Variants in ASCC3 observed in about 807,000 individuals in gnomAD.
The protein encoded by ASCC3 is activating signal cointegrator 1 complex subunit 3.
In ASCC3, 158 loss-of-function variants were observed where a neutral mutation model predicts 256.3. The ratio of observed to expected loss-of-function variants is 0.62; its 90% CI spans 0.54 to 0.70. ASCC3 has a LOEUF of 0.70. Ranked by LOEUF, ASCC3 falls within the 30% of genes least tolerant of loss-of-function variation. The pLI, the probability that ASCC3 is intolerant of heterozygous loss-of-function variation, is 0.00. For synonymous variants in ASCC3, 948 were observed against 883.4 expected, an observed-to-expected ratio of 1.07 and a Z score of -1.30; for missense variants, 2,259 against 2,626.0, an observed-to-expected ratio of 0.86 and a Z score of 3.05.
At chr6:100,647,017 G>A (rs1171614209) in intron 21 of ASCC3, among the ~76,000 whole-genome samples, 1 of 152,104 alleles carries the variant, frequency 6.6e-6, no homozygotes, top group East Asian at 1.9e-4. Context: ...TAAAATTACT[G>A]AGACTTGATA....
At chr6:100,530,189 A>G (rs1395250474) in intron 37 of ASCC3, 1 of 663,776 alleles carries the variant, frequency 1.5e-6, no homozygotes, top group Admixed American at 2.4e-5. Flanking sequence ...TCATGAATTA[A>G]CATCATTTTT....
chr6:100,665,974 T>C (rs879607981), intron 14 of ASCC3, among the ~76,000 whole-genome samples: 36 of 152,144 alleles, frequency 2.4e-4, no homozygotes, highest in Non-Finnish European at 4.3e-4. Context: ...TCTTTATAGT[T>C]AAACTCTTCG....
At chr6:100,719,594 TAC>T (rs1000533877) in intron 11 of ASCC3, among the ~76,000 whole-genome samples, 20 of 152,186 alleles carry the variant, frequency 1.3e-4, no homozygotes, top group African/African-American at 4.3e-4. Flanking sequence ...ATAATTATAA[TAC>T]AGTTATTTAA....
intron 29 of ASCC3, among the ~76,000 whole-genome samples, chr6:100,625,770 G>A (rs1173911133): frequency 6.6e-6 from 1 of 152,092 alleles, no homozygotes; most frequent in African/African-American, 2.4e-5. Context: ...ATCAAGTCCT[G>A]TCAAGTGACG....
chr6:100,733,558 C>T (rs1030294792), intron 10 of ASCC3, among the ~76,000 whole-genome samples: 5 of 152,160 alleles, frequency 3.3e-5, no homozygotes, highest in Admixed American at 1.3e-4. Context: ...GATGCCCAAT[C>T]TTGAACTTTC....
chr6:100,666,937 G>A (rs983819375), intron 14 of ASCC3, among the ~76,000 whole-genome samples: 3 of 152,078 alleles, frequency 2.0e-5, no homozygotes, highest in South Asian at 4.1e-4. Flanking sequence ...GGAATTCAAA[G>A]AAATTTAAGA....
chr6:100,513,085 T>C, intron 39 of ASCC3, among the ~76,000 whole-genome samples, 167 bp from the exon 40 acceptor site: 1 of 152,242 alleles, frequency 6.6e-6, no homozygotes, highest in East Asian at 1.9e-4. Flanking sequence ...GTGGACCATT[T>C]ACCCAGTTTC....
intron 4 of ASCC3, among the ~76,000 whole-genome samples, chr6:100,816,969 A>G (rs191888224): frequency 1.3e-5 from 2 of 152,132 alleles, no homozygotes; most frequent in African/African-American, 4.8e-5. Context: ...GGATTGAGCA[A>G]CGCTATAAAC....
At chr6:100,734,776 G>T (rs1780070470) in intron 10 of ASCC3, among the ~76,000 whole-genome samples, 2 of 152,080 alleles carry the variant, frequency 1.3e-5, no homozygotes, top group Admixed American at 6.6e-5. Flanking sequence ...TCATAAGCAA[G>T]GTAGTAGCCC....
At chr6:100,580,331 G>C (rs1771150176) in intron 36 of ASCC3, among the ~76,000 whole-genome samples, 1 of 151,832 alleles carries the variant, frequency 6.6e-6, no homozygotes, top group South Asian at 2.1e-4. Context: ...TCTAAAGGAA[G>C]AAAAGGTCCA....
chr6:100,512,571 A>G, intron 40 of ASCC3, 138 bp downstream of exon 40: 1 of 892,926 alleles, frequency 1.1e-6, no homozygotes, highest in East Asian at 2.5e-5. Context: ...TCAAAAGACT[A>G]ACTCTCGCTG....
At chr6:100,674,797 C>T (rs1381975009) in intron 14 of ASCC3, among the ~76,000 whole-genome samples, 1 of 151,794 alleles carries the variant, frequency 6.6e-6, no homozygotes, top group Non-Finnish European at 1.5e-5. Context: ...CCATGCATGG[C>T]TTTTTTTGTA....
intron 14 of ASCC3, among the ~76,000 whole-genome samples, chr6:100,675,410 G>A (rs1452001579): frequency 6.6e-6 from 1 of 152,082 alleles, no homozygotes; most frequent in Middle Eastern, 3.2e-3. Context: ...CGGAAGAGAC[G>A]ATTCTAATCT....
chr6:100,650,850 T>A, intron 19 of ASCC3, 136 bp from the exon 20 acceptor site: 2 of 726,036 alleles, frequency 2.8e-6, no homozygotes, highest in Non-Finnish European at 4.6e-6. Flanking sequence ...TAGAGTTAAA[T>A]AACAATGATT....
intron 6 of ASCC3, 80 bp from the exon 7 acceptor site, chr6:100,799,652 A>G: frequency 7.1e-7 from 1 of 1,407,636 alleles, no homozygotes; most frequent in African/African-American, 1.4e-5. Flanking sequence ...CAATTATAAA[A>G]GATATTGGGA....
intron 20 of ASCC3, 34 bp downstream of exon 20, chr6:100,650,504 G>A: frequency 1.2e-6 from 2 of 1,605,172 alleles, no homozygotes; most frequent in African/African-American, 1.3e-5. Context: ...ATATATTCAA[G>A]GAAGAGAAAA....
At chr6:100,730,141 G>GA (rs1169213190) in intron 10 of ASCC3, among the ~76,000 whole-genome samples, 167 of 143,688 alleles carry the variant, frequency 1.2e-3, no homozygotes, top group Admixed American at 1.3e-3. Context: ...CTCGCCTCCA[G>GA]AAAAAAAAAA....
intron 13 of ASCC3, among the ~76,000 whole-genome samples, chr6:100,708,951 C>A (rs1778739629): frequency 6.6e-6 from 1 of 151,420 alleles, no homozygotes; most frequent in South Asian, 2.1e-4. Context: ...GTAACAATTG[C>A]CAATTAAGAA....
At chr6:100,858,270 A>C (rs1773056459) in intron 3 of ASCC3, 1 of 545,276 alleles carries the variant, frequency 1.8e-6, no homozygotes, top group South Asian at 8.2e-5. Context: ...AGGTACAGTC[A>C]TGTGAAAAAT....
Sources: allele counts gnomAD v4.1 joint callset (sites outside exome capture counted in the v4.1 genomes callset), GRCh38; gene constraint gnomAD v4.1.1; transcripts MANE v1.5; gene names NCBI Gene and HGNC (gene_info 2026-07-23, HGNC 2026-07-21).